Variants in NRG1 observed in about 807,000 individuals in gnomAD.
NRG1 encodes neuregulin 1.
A neutral mutation model predicts 63.8 loss-of-function variants in NRG1; 18 were observed. That is an observed-to-expected ratio of 0.28 (90% CI 0.19 to 0.42). NRG1 has a LOEUF of 0.42. Among genes scored for constraint, NRG1 ranks in the 10% least tolerant of loss-of-function variants. The pLI is 1.00. For synonymous variants in NRG1, 302 were observed against 301.3 expected (o/e 1.00, Z -0.02); for missense variants, 762 against 814.7 (o/e 0.94, Z 0.79).
intron 1 of NRG1, among the ~76,000 whole-genome samples, chr8:31,977,034 T>C (rs1808312435): frequency 6.6e-6 from 1 of 152,170 alleles, no homozygotes; most frequent in African/African-American, 2.4e-5. Context: ...TAATCTCGAC[T>C]ACACTAATTC....
chr8:32,549,433 G>A (rs1833713901), intron 1 of NRG1, among the ~76,000 whole-genome samples: 1 of 152,158 alleles, frequency 6.6e-6, no homozygotes, highest in Non-Finnish European at 1.5e-5. Context: ...GCAGCGGCAG[G>A]GATTCCTAAA....
At chr8:32,210,134 G>A (rs941138199) in intron 1 of NRG1, among the ~76,000 whole-genome samples, 2 of 152,140 alleles carry the variant, frequency 1.3e-5, no homozygotes, top group African/African-American at 2.4e-5. Context: ...AAAAGGTGTC[G>A]TAAAGCAGCA....
intron 5 of NRG1, among the ~76,000 whole-genome samples, chr8:32,674,037 A>C (rs1488558702): frequency 6.6e-6 from 1 of 152,198 alleles, no homozygotes; most frequent in Admixed American, 6.5e-5. Flanking sequence ...CTTTATCCTA[A>C]TATACAGGAC....
chr8:32,076,377 A>G (rs989437371), intron 1 of NRG1, among the ~76,000 whole-genome samples: 1 of 152,208 alleles, frequency 6.6e-6, no homozygotes, highest in East Asian at 1.9e-4. Flanking sequence ...AAAGTGTTTA[A>G]TACTCCAAAA....
chr8:31,758,296 G>A (rs1252513343), intron 1 of NRG1, among the ~76,000 whole-genome samples: 2 of 152,138 alleles, frequency 1.3e-5, no homozygotes, highest in Non-Finnish European at 2.9e-5. Context: ...ACTTATGAGT[G>A]AGAATGTGCA....
At chr8:32,423,012 T>A (rs999880466) in intron 1 of NRG1, among the ~76,000 whole-genome samples, 3 of 152,222 alleles carry the variant, frequency 2.0e-5, no homozygotes, top group African/African-American at 7.2e-5. Flanking sequence ...ATGCCCCCAG[T>A]GACCCAGTAC....
intron 5 of NRG1, among the ~76,000 whole-genome samples, chr8:32,660,176 T>C (rs1802510261): frequency 2.0e-5 from 3 of 152,338 alleles, no homozygotes; most frequent in East Asian, 1.9e-4. Flanking sequence ...TGATGTTCAA[T>C]GGAAATGCTC....
chr8:32,294,345 A>C (rs552906462), intron 1 of NRG1, among the ~76,000 whole-genome samples: 118 of 152,290 alleles, frequency 7.7e-4, no homozygotes, highest in African/African-American at 2.8e-3. Context: ...GTCAGATTGC[A>C]AACAGTTGGC....
At chr8:31,811,788 A>G (rs530930259) in intron 1 of NRG1, among the ~76,000 whole-genome samples, 57 of 152,298 alleles carry the variant, frequency 3.7e-4, no homozygotes, top group African/African-American at 1.3e-3. Context: ...TAATTTAACG[A>G]AAGAGAGGTA....
chr8:31,667,759 C>G (rs1234665721), intron 1 of NRG1, among the ~76,000 whole-genome samples: 1 of 152,124 alleles, frequency 6.6e-6, no homozygotes, highest in African/African-American at 2.4e-5. Context: ...CCTTTTCATC[C>G]AAGCTCTCAT....
intron 1 of NRG1, among the ~76,000 whole-genome samples, chr8:31,719,747 G>A (rs1006083384): frequency 2.6e-5 from 4 of 152,150 alleles, no homozygotes; most frequent in Non-Finnish European, 5.9e-5. Context: ...ATGAGCCATA[G>A]TCATGCATGA....
At chr8:32,645,674 T>C (rs937170765) in intron 5 of NRG1, among the ~76,000 whole-genome samples, 2 of 152,152 alleles carry the variant, frequency 1.3e-5, no homozygotes, top group Non-Finnish European at 2.9e-5. Flanking sequence ...GATGGCTATG[T>C]AGTATAGATT....
At chr8:32,322,804 AAG>A (rs757475958) in intron 1 of NRG1, among the ~76,000 whole-genome samples, 5 of 152,038 alleles carry the variant, frequency 3.3e-5, no homozygotes, top group Non-Finnish European at 7.4e-5. Context: ...TATATTTTCA[AAG>A]AGTGAATTTC....
intron 1 of NRG1, among the ~76,000 whole-genome samples, chr8:32,092,376 G>A (rs922669645): frequency 2.7e-5 from 4 of 148,578 alleles, no homozygotes; most frequent in Admixed American, 6.8e-5. Flanking sequence ...AGGATTGCTT[G>A]AGCCCAAGAG....
intron 1 of NRG1, among the ~76,000 whole-genome samples, chr8:31,885,086 A>G (rs1219084570): frequency 6.6e-6 from 1 of 152,148 alleles, no homozygotes; most frequent in Admixed American, 6.6e-5. Flanking sequence ...TGTGTTGTCA[A>G]CCACTGAATT....
intron 7 of NRG1, among the ~76,000 whole-genome samples, chr8:32,774,025 A>C (rs1240286528): frequency 6.6e-6 from 1 of 152,228 alleles, no homozygotes; most frequent in East Asian, 1.9e-4. Context: ...TTTTAACTAC[A>C]ATAAAGTAAT....
At chr8:31,826,959 A>G (rs568968001) in intron 1 of NRG1, among the ~76,000 whole-genome samples, 1 of 152,326 alleles carries the variant, frequency 6.6e-6, no homozygotes, top group African/African-American at 2.4e-5. Context: ...AGATAATTTT[A>G]TAAACCCCTG....
intron 1 of NRG1, among the ~76,000 whole-genome samples, chr8:32,401,324 T>TTAAAAA (rs1813166230): frequency 6.6e-6 from 1 of 151,940 alleles, no homozygotes; most frequent in South Asian, 2.1e-4. Context: ...ACATAAAAAT[T>TTAAAAA]TAAAAATAAA....
chr8:31,903,695 G>A (rs1039728540), intron 1 of NRG1, among the ~76,000 whole-genome samples: 12 of 151,992 alleles, frequency 7.9e-5, no homozygotes, highest in African/African-American at 1.9e-4. Context: ...TGGATCACGC[G>A]TGTAATCCCA....
Sources: allele counts gnomAD v4.1 joint callset (sites outside exome capture counted in the v4.1 genomes callset), GRCh38; gene constraint gnomAD v4.1.1; transcripts MANE v1.5; gene names NCBI Gene and HGNC (gene_info 2026-07-23, HGNC 2026-07-21).